MAPK8: variants seen among roughly 807,000 people sequenced by gnomAD.
MAPK8 encodes the protein JUN N-terminal kinase.
In MAPK8, 13 loss-of-function variants were observed where a neutral mutation model predicts 52.9. That is an observed-to-expected ratio of 0.25 (90% confidence interval 0.16 to 0.39). The LOEUF (loss-of-function observed/expected upper bound fraction) is 0.39. Among genes scored for constraint, MAPK8 ranks in the 10% least tolerant of loss-of-function variants. The pLI, the probability that MAPK8 is intolerant of heterozygous loss-of-function variation, is 1.00. For missense variants in MAPK8, 300 were observed against 519.2 expected, an observed-to-expected ratio of 0.58 and a Z score of 4.10; for synonymous variants, 191 against 169.8, an observed-to-expected ratio of 1.12 and a Z score of -0.97.
intron 1 of MAPK8, among the ~76,000 whole-genome samples, chr10:48,358,906 A>G (rs1208319355): frequency 6.6e-6 from 1 of 152,140 alleles, no homozygotes; most frequent in Admixed American, 6.5e-5. Flanking sequence ...TCAGAAATCG[A>G]TGACCATTGA....
chr10:48,357,750 TA>T (rs1847116012), intron 1 of MAPK8, among the ~76,000 whole-genome samples: 1 of 152,182 alleles, frequency 6.6e-6, no homozygotes, highest in African/African-American at 2.4e-5. Context: ...ATAAATTTAT[TA>T]TTTGTTTAGT....
intron 1 of MAPK8, among the ~76,000 whole-genome samples, chr10:48,391,911 T>C (rs529727467): frequency 6.6e-6 from 1 of 152,254 alleles, no homozygotes; most frequent in African/African-American, 2.4e-5. Flanking sequence ...GATAATGAGA[T>C]GCATAGGGTA....
At chr10:48,432,203 A>G (rs1044862650) in intron 11 of MAPK8, among the ~76,000 whole-genome samples, 16 of 152,208 alleles carry the variant, frequency 1.1e-4, no homozygotes, top group African/African-American at 2.9e-4. Flanking sequence ...AAGTAAAACT[A>G]TGCCATTTTA....
At chr10:48,374,312 C>G (rs2040516988) in intron 1 of MAPK8, among the ~76,000 whole-genome samples, 1 of 151,830 alleles carries the variant, frequency 6.6e-6, no homozygotes, top group African/African-American at 2.4e-5. Flanking sequence ...AAATCGACAC[C>G]CTAACATCAC....
At chr10:48,428,367 C>T (rs977988900) in intron 10 of MAPK8, among the ~76,000 whole-genome samples, 3 of 152,144 alleles carry the variant, frequency 2.0e-5, no homozygotes, top group African/African-American at 4.8e-5. Context: ...ATCACTCCCC[C>T]TTCATCTCAC....
intron 1 of MAPK8, among the ~76,000 whole-genome samples, chr10:48,330,194 A>G (rs1843993748): frequency 2.0e-5 from 3 of 152,224 alleles, no homozygotes; most frequent in Admixed American, 2.0e-4. Flanking sequence ...TTTAAAAGAA[A>G]TGTATTCTTA....
chr10:48,396,059 T>G (rs1439858023), intron 1 of MAPK8, among the ~76,000 whole-genome samples: 2 of 152,012 alleles, frequency 1.3e-5, no homozygotes, highest in Non-Finnish European at 2.9e-5. Flanking sequence ...CAGGTGAACA[T>G]TTCTTGTACC....
At chr10:48,339,065 T>C (rs760915084) in intron 1 of MAPK8, among the ~76,000 whole-genome samples, 38 of 152,168 alleles carry the variant, frequency 2.5e-4, no homozygotes, top group Non-Finnish European at 4.3e-4. Flanking sequence ...TGATTTTTTT[T>C]CACAGAATTA....
At chr10:48,337,958 T>C (rs929430828) in intron 1 of MAPK8, among the ~76,000 whole-genome samples, 12 of 151,900 alleles carry the variant, frequency 7.9e-5, no homozygotes, top group African/African-American at 4.8e-5. Flanking sequence ...CATAATAAAA[T>C]CTACCAACCA....
At chr10:48,426,903 C>T (rs2043718336) in intron 9 of MAPK8, 177 bp from the exon 10 acceptor site, 1 of 528,114 alleles carries the variant, frequency 1.9e-6, no homozygotes, top group South Asian at 2.7e-5. Flanking sequence ...ATTTTATTTC[C>T]TGCAATGAAG....
chr10:48,426,834 G>T, intron 9 of MAPK8: 1 of 485,534 alleles, frequency 2.1e-6, no homozygotes, highest in Non-Finnish European at 3.7e-6. Context: ...TGTGATCTGT[G>T]ATATAAATAA....
At chr10:48,378,098 C>T (rs149453153) in intron 1 of MAPK8, among the ~76,000 whole-genome samples, 42 of 152,270 alleles carry the variant, frequency 2.8e-4, no homozygotes, top group Admixed American at 6.5e-4. Context: ...CCCCTCCCTC[C>T]GCAACCTTTA....
intron 3 of MAPK8, among the ~76,000 whole-genome samples, chr10:48,407,035 G>A (rs937531646): frequency 6.6e-6 from 1 of 152,092 alleles, no homozygotes; most frequent in Non-Finnish European, 1.5e-5. Context: ...TTTGATTATG[G>A]AGAATTAAGT....
intron 1 of MAPK8, among the ~76,000 whole-genome samples, chr10:48,359,802 A>AT (rs1227704869): frequency 1.3e-5 from 2 of 152,268 alleles, no homozygotes; most frequent in African/African-American, 2.4e-5. Flanking sequence ...CAACAACTGT[A>AT]TAAAGCTTTT....
chr10:48,439,057 C>G lies in MAPK8; in HGVS notation c.*4028C>G, dbSNP rs886594785. 2.9e-4 allele frequency: 44 copies of G among 152,000 alleles called. No individual in the cohort carries two copies. The highest frequency in any genetic ancestry group is 1.0e-3 in the African/African-American group (42 of 41,358). 9.4% of individuals were successfully genotyped at this position (152,000 alleles called of 1,614,324 possible). ...CATCTATTTTCTCATTACAGTTTAT[C>G]CTGGTCAGCAGGGTGTCACACCTGG... On this transcript the variant is annotated 3_prime_UTR_variant, in exon 12 of 12. Transcript: ENST00000374189.
At chr10:48,418,164 C>A (rs1250378027) in intron 5 of MAPK8, among the ~76,000 whole-genome samples, 1 of 152,186 alleles carries the variant, frequency 6.6e-6, no homozygotes, top group Non-Finnish European at 1.5e-5. Context: ...GTTCATTGTA[C>A]AAGTGGCTGT....
chr10:48,366,600 C>G (rs1478932826), intron 1 of MAPK8, among the ~76,000 whole-genome samples: 1 of 152,134 alleles, frequency 6.6e-6, no homozygotes, highest in Non-Finnish European at 1.5e-5. Context: ...TGGGCCAAAT[C>G]TGATTGAACA....
At chr10:48,374,713 C>CAAT (rs2040544999) in intron 1 of MAPK8, among the ~76,000 whole-genome samples, 1 of 152,056 alleles carries the variant, frequency 6.6e-6, no homozygotes, top group South Asian at 2.1e-4. Flanking sequence ...CTGAATAGAC[C>CAAT]AATAACAAGT....
At chr10:48,320,860 A>G (rs57115982) in intron 1 of MAPK8, among the ~76,000 whole-genome samples, 16,084 of 152,148 alleles carry the variant, frequency 0.11, 1,145 homozygotes, top group Admixed American at 0.25. Context: ...GAAGATTCCA[A>G]ATTCTCCACA....
Sources: allele counts gnomAD v4.1 joint callset (sites outside exome capture counted in the v4.1 genomes callset), GRCh38; gene constraint gnomAD v4.1.1; transcripts MANE v1.5; gene names NCBI Gene and HGNC (gene_info 2026-07-23, HGNC 2026-07-21).